Variants in PTPRD observed in about 807,000 individuals in gnomAD.
The protein encoded by PTPRD is protein tyrosine phosphatase receptor type D.
A neutral mutation model predicts 214.5 loss-of-function variants in PTPRD; 34 were observed. That is an observed-to-expected ratio of 0.16 (90% confidence interval 0.12 to 0.21). PTPRD has a LOEUF of 0.21. PTPRD is among the 10% of genes least tolerant of loss of function. The pLI is 1.00. For missense variants in PTPRD, 2,545 were observed against 2,398.7 expected, an observed-to-expected ratio of 1.06 and a Z score of -1.27; for synonymous variants, 1,128 against 845.7, an observed-to-expected ratio of 1.33 and a Z score of -5.79.
chr9:8,999,092 T>G (rs2099407916), intron 11 of PTPRD, among the ~76,000 whole-genome samples: 1 of 152,026 alleles, frequency 6.6e-6, no homozygotes, highest in Non-Finnish European at 1.5e-5. Context: ...TGAACATTGT[T>G]GAAATGAAAG....
chr9:8,717,360 G>A (rs1263235680), intron 12 of PTPRD, among the ~76,000 whole-genome samples: 1 of 152,182 alleles, frequency 6.6e-6, no homozygotes, highest in Non-Finnish European at 1.5e-5. Context: ...CACTTATAAA[G>A]TCAACTCATC....
chr9:9,003,731 C>A, intron 11 of PTPRD, among the ~76,000 whole-genome samples: 1 of 152,108 alleles, frequency 6.6e-6, no homozygotes, highest in Middle Eastern at 3.4e-3. Flanking sequence ...CTCCTTAATG[C>A]CCATTCTGTG....
At chr9:8,843,888 T>A (rs1312336928) in intron 11 of PTPRD, among the ~76,000 whole-genome samples, 1 of 152,164 alleles carries the variant, frequency 6.6e-6, no homozygotes, top group Admixed American at 6.5e-5. Context: ...GAAAGCCTCT[T>A]CAATTTTTGG....
chr9:8,930,542 C>A (rs2154281268), intron 11 of PTPRD, among the ~76,000 whole-genome samples: 1 of 152,252 alleles, frequency 6.6e-6, no homozygotes, highest in East Asian at 1.9e-4. Context: ...GCCACACTGT[C>A]TTCCACAATG....
intron 8 of PTPRD, among the ~76,000 whole-genome samples, chr9:9,452,464 TCTA>T (rs1162088252): frequency 3.3e-5 from 5 of 151,352 alleles, no homozygotes; most frequent in African/African-American, 9.7e-5. Context: ...TATGGGTATA[TCTA>T]AGTAAATATG....
chr9:10,114,281 C>A (rs892542118), intron 3 of PTPRD, among the ~76,000 whole-genome samples: 1 of 152,072 alleles, frequency 6.6e-6, no homozygotes, highest in Non-Finnish European at 1.5e-5. Flanking sequence ...AGCTGAGCCA[C>A]CCTATTGAAG....
intron 3 of PTPRD, among the ~76,000 whole-genome samples, chr9:10,105,852 T>C (rs976520339): frequency 6.6e-6 from 1 of 151,450 alleles, no homozygotes; most frequent in Non-Finnish European, 1.5e-5. Flanking sequence ...TAGGGAAAGG[T>C]AGCCAAGGGT....
At chr9:8,704,517 A>C (rs1281001542) in intron 12 of PTPRD, among the ~76,000 whole-genome samples, 2 of 152,146 alleles carry the variant, frequency 1.3e-5, no homozygotes, top group Admixed American at 6.5e-5. Flanking sequence ...ATGAACTTGA[A>C]AATGGACTTA....
chr9:10,324,280 C>A (rs1240499222), intron 3 of PTPRD, among the ~76,000 whole-genome samples: 2 of 151,982 alleles, frequency 1.3e-5, no homozygotes, highest in African/African-American at 4.8e-5. Context: ...TTAGACCAAC[C>A]TTTAAACAAA....
chr9:9,266,086 T>A (rs963613288), intron 9 of PTPRD, among the ~76,000 whole-genome samples: 2 of 151,338 alleles, frequency 1.3e-5, no homozygotes, highest in South Asian at 2.1e-4. Flanking sequence ...TAGGGGTAAC[T>A]ATAAGTAAAT....
intron 3 of PTPRD, among the ~76,000 whole-genome samples, chr9:10,138,574 A>G (rs551914443): frequency 6.6e-6 from 1 of 152,258 alleles, no homozygotes; most frequent in East Asian, 1.9e-4. Flanking sequence ...TGAAGCCAAC[A>G]TCATCCTGAA....
intron 8 of PTPRD, among the ~76,000 whole-genome samples, chr9:9,480,272 A>T (rs952661743): frequency 6.6e-6 from 1 of 152,198 alleles, no homozygotes; most frequent in South Asian, 2.1e-4. Context: ...ACATTAAAAG[A>T]AATACATTTT....
chr9:10,014,205 G>T (rs1195401568), intron 4 of PTPRD, among the ~76,000 whole-genome samples: 2 of 151,840 alleles, frequency 1.3e-5, no homozygotes, highest in Non-Finnish European at 2.9e-5. Context: ...ATAATGAAAT[G>T]TCCCTTAAAG....
rs191060199 is a variant in PTPRD at position 10,279,904 on chromosome 9, T to C, written c.-545+61059A>G. Reference sequence around the variant, plus strand: ...TCCTCATTTATATAAATTCTTATCTTTTAACTAGTAAGAATTCCACCCTAT... The same window carrying C: ...TCCTCATTTATATAAATTCTTATCTCTTAACTAGTAAGAATTCCACCCTAT... On this transcript the variant is annotated intron_variant, in intron 3 of 45. Transcript: ENST00000381196. Among the ~76,000 whole-genome samples, 432 of 133,344 alleles carry C rather than the reference T, an allele frequency of 3.2e-3. 3 individuals are homozygous for C. Among genetic ancestry groups the C allele is most frequent in the Middle Eastern group, 7.1e-3 (2 of 280 alleles). 87.5% of individuals were successfully genotyped at this position (133,344 alleles called of 152,430 possible).
intron 9 of PTPRD, among the ~76,000 whole-genome samples, chr9:9,190,416 A>C (rs552831537): frequency 1.2e-4 from 19 of 152,066 alleles, no homozygotes; most frequent in African/African-American, 4.3e-4. Context: ...TGGGTTTATC[A>C]GGGGTTTCTG....
chr9:10,247,951 C>T (rs1307703486), intron 3 of PTPRD, among the ~76,000 whole-genome samples: 4 of 151,972 alleles, frequency 2.6e-5, no homozygotes, highest in Non-Finnish European at 4.4e-5. Context: ...ATTATGGGGG[C>T]AGGTTTTTCC....
intron 5 of PTPRD, among the ~76,000 whole-genome samples, chr9:9,824,656 A>G (rs1474944595): frequency 2.6e-5 from 4 of 151,990 alleles, no homozygotes; most frequent in Non-Finnish European, 5.9e-5. Context: ...GTTGTAAAAG[A>G]TATTCTAGTA....
At chr9:10,502,661 T>C (rs2044171811) in intron 2 of PTPRD, among the ~76,000 whole-genome samples, 1 of 152,126 alleles carries the variant, frequency 6.6e-6, no homozygotes, top group Non-Finnish European at 1.5e-5. Flanking sequence ...ACACTGTGCA[T>C]GCACACACAT....
intron 9 of PTPRD, among the ~76,000 whole-genome samples, chr9:9,310,769 T>C (rs1020273191): frequency 6.6e-6 from 1 of 151,724 alleles, no homozygotes. Flanking sequence ...AATACAAAAA[T>C]TAGCCGGGCA....
Sources: allele counts gnomAD v4.1 joint callset (sites outside exome capture counted in the v4.1 genomes callset), GRCh38; gene constraint gnomAD v4.1.1; transcripts MANE v1.5; gene names NCBI Gene and HGNC (gene_info 2026-07-23, HGNC 2026-07-21).